Variants in LPIN1 observed in about 807,000 individuals in gnomAD.
LPIN1 encodes the protein lipin 1.
A neutral mutation model predicts 107.5 loss-of-function variants in LPIN1; 71 were observed. The ratio of observed to expected loss-of-function variants is 0.66; its 90% CI spans 0.55 to 0.80. The LOEUF (loss-of-function observed/expected upper bound fraction) is 0.80, where lower values mean the gene tolerates loss of function less well. Among genes scored for constraint, LPIN1 ranks in the 30% least tolerant of loss-of-function variants. The pLI is 0.00. For missense variants in LPIN1, 1,043 were observed against 1,160.6 expected (o/e 0.90, Z 1.47); for synonymous variants, 445 against 452.6 (o/e 0.98, Z 0.21).
At chr2:11,702,790 C>T (rs895016090) in intron 1 of LPIN1, among the ~76,000 whole-genome samples, 2 of 152,184 alleles carry the variant, frequency 1.3e-5, no homozygotes, top group African/African-American at 4.8e-5. Context: ...CTCTGCCTCT[C>T]CCTGTCTCTC....
chr2:11,821,652 T>C (rs943479843), intron 20 of LPIN1, among the ~76,000 whole-genome samples: 1 of 152,132 alleles, frequency 6.6e-6, no homozygotes, highest in Non-Finnish European at 1.5e-5. Flanking sequence ...GCTTCTGTGG[T>C]TTTAGATAGA....
intron 1 of LPIN1, among the ~76,000 whole-genome samples, chr2:11,688,210 G>A (rs970029964): frequency 6.6e-6 from 1 of 152,122 alleles, no homozygotes; most frequent in African/African-American, 2.4e-5. Flanking sequence ...ATAAAAGGAC[G>A]GAGAGCTTGG....
rs910968689 is a variant in LPIN1, at chr2:11,771,959, G to A, written c.596+280G>A. Among the ~76,000 whole-genome samples the A allele has an allele frequency of 5.3e-5, 8 of 152,116 alleles. No individual in the cohort carries two copies. The highest frequency in any genetic ancestry group is 1.2e-4 in the African/African-American group (5 of 41,474). ...ATATAATGAAATACTTATACAACTC[G>A]CCATCATGTAGAATCAGTGGGAGCC... is the stretch of plus-strand genomic sequence containing the variant. On this transcript the variant is annotated intron_variant, in intron 4 of 20. Coordinates refer to ENST00000674199, the MANE Select transcript of LPIN1 (RefSeq NM_001349206.2). This position sits in a 1 kb window ranked among gnomAD's most constrained non-coding sequence, Gnocchi z 4.8.
At position 11,822,022 on chromosome 2, in the gene LPIN1, C is replaced by G. The variant is rs187579621; in HGVS notation, c.2621+1508C>G. 3.3e-4 allele frequency among the ~76,000 whole-genome samples: 50 copies of G among 152,302 alleles called. No individual in the cohort carries two copies. The East Asian group carries it at 8.3e-3, about 25-fold the overall frequency. On this transcript the variant is annotated intron_variant, in intron 20 of 20. Transcript: ENST00000674199. ...GTGACAATGTCTCGTTCCCACTCCCCTCTCATTCCCCAGGCTGGAGAGGAC... is the reference window on the plus strand; with the variant it reads ...GTGACAATGTCTCGTTCCCACTCCCGTCTCATTCCCCAGGCTGGAGAGGAC...
At chr2:11,809,513 T>C (rs2148711061) in intron 17 of LPIN1, among the ~76,000 whole-genome samples, 1 of 152,188 alleles carries the variant, frequency 6.6e-6, no homozygotes, top group Admixed American at 6.5e-5. Context: ...GCCTCCCAGG[T>C]TCAAGCGATT....
At chr2:11,688,812 G>T (rs563114093) in intron 1 of LPIN1, among the ~76,000 whole-genome samples, 1 of 152,262 alleles carries the variant, frequency 6.6e-6, no homozygotes, top group East Asian at 1.9e-4. Context: ...AAGGAGAAAG[G>T]GACTTGGCTA....
At position 11,771,783 on chromosome 2, in the gene LPIN1, G is replaced by A; in HGVS notation, c.596+104G>A. ...CCCATAATTCCTTATTCTTTTATGT[G>A]TTTTAGACCAGTGGTCCCCAACCTT... On this transcript the variant is annotated intron_variant, in intron 4 of 20. Coordinates refer to ENST00000674199, the MANE Select transcript of LPIN1 (RefSeq NM_001349206.2). The surrounding 1 kb of genome is among the most constrained non-coding windows in gnomAD (Gnocchi z 4.8). 1 of 1,256,374 alleles carries A rather than the reference G, an allele frequency of 8.0e-7. No individual in the cohort carries two copies. Among genetic ancestry groups the A allele is most frequent in the Non-Finnish European group, 1.1e-6 (1 of 908,110 alleles). 77.8% of individuals were successfully genotyped at this position (1,256,374 alleles called of 1,614,324 possible).
chr2:11,694,505 T>C (rs1662473281), intron 1 of LPIN1, among the ~76,000 whole-genome samples: 1 of 152,188 alleles, frequency 6.6e-6, no homozygotes, highest in Non-Finnish European at 1.5e-5. Context: ...AGTGTCTGTG[T>C]CACGTGTTTG....
intron 1 of LPIN1, among the ~76,000 whole-genome samples, chr2:11,739,763 G>C (rs924725245): frequency 6.6e-6 from 1 of 152,168 alleles, no homozygotes; most frequent in Non-Finnish European, 1.5e-5. Flanking sequence ...ATATGACCTA[G>C]GATCTGGAGA....
intron 1 of LPIN1, among the ~76,000 whole-genome samples, chr2:11,731,712 C>T (rs1665250879): frequency 1.3e-5 from 2 of 152,200 alleles, no homozygotes; most frequent in South Asian, 4.1e-4. Flanking sequence ...CCTATTTCTC[C>T]ACAGCCTCGC....
chr2:11,712,900 C>T (rs762711461), intron 1 of LPIN1, among the ~76,000 whole-genome samples: 18 of 152,224 alleles, frequency 1.2e-4, no homozygotes, highest in Non-Finnish European at 2.2e-4. Context: ...GCTAGGATAA[C>T]GCCATGCCAA....
At chr2:11,755,249 G>T (rs967674048) in intron 1 of LPIN1, among the ~76,000 whole-genome samples, 1 of 152,128 alleles carries the variant, frequency 6.6e-6, no homozygotes, top group South Asian at 2.1e-4. Context: ...TTACAGGCAT[G>T]AGCCACCGCG....
At chr2:11,775,832 A>G (rs989042299) in intron 5 of LPIN1, among the ~76,000 whole-genome samples, 1 of 148,430 alleles carries the variant, frequency 6.7e-6, no homozygotes, top group African/African-American at 2.5e-5. Context: ...TTTACGTAAT[A>G]TATATAATCT....
At chr2:11,802,307 A>T (rs1677892539) in intron 14 of LPIN1, among the ~76,000 whole-genome samples, 2 of 152,200 alleles carry the variant, frequency 1.3e-5, no homozygotes, top group African/African-American at 4.8e-5. Context: ...AAAAGTCTAG[A>T]AGAGTTAGGG....
chr2:11,734,149 C>A (rs1318162978), intron 1 of LPIN1, among the ~76,000 whole-genome samples: 13 of 152,156 alleles, frequency 8.5e-5, no homozygotes. Flanking sequence ...TGCAATGTGA[C>A]ATTTTGAAGC....
At chr2:11,756,763 T>C (rs1464245224) in intron 1 of LPIN1, among the ~76,000 whole-genome samples, 3 of 152,226 alleles carry the variant, frequency 2.0e-5, no homozygotes, top group Admixed American at 6.5e-5. Context: ...ATAGGTAGAA[T>C]TCTAAGTGGA....
intron 17 of LPIN1, among the ~76,000 whole-genome samples, chr2:11,809,270 T>C: frequency 6.6e-6 from 1 of 152,178 alleles, no homozygotes; most frequent in East Asian, 1.9e-4. Flanking sequence ...GCTTTTATAT[T>C]CATGTAACCA....
At chr2:11,759,569 T>C (rs931272530) in intron 1 of LPIN1, among the ~76,000 whole-genome samples, 114 of 152,318 alleles carry the variant, frequency 7.5e-4, no homozygotes, top group African/African-American at 2.4e-3. Flanking sequence ...TGGAGTCTCC[T>C]ATGTCTACTT....
intron 16 of LPIN1, 121 bp downstream of exon 16, chr2:11,804,692 G>A: frequency 9.6e-7 from 1 of 1,045,824 alleles, no homozygotes; most frequent in South Asian, 1.3e-5. Context: ...TTCTGGTGCA[G>A]TTGGAGCTCC....
Sources: gnomAD v4.1 joint callset for allele counts (sites outside exome capture counted in the v4.1 genomes callset) on GRCh38, gnomAD v4.1.1 for gene constraint, Gnocchi (gnomAD v3.1) non-coding constraint, MANE v1.5 for transcripts, NCBI Gene and HGNC (gene_info 2026-07-23, HGNC 2026-07-21) for gene names.